BTF3: variants seen among roughly 807,000 people sequenced by gnomAD.
BTF3 encodes basic transcription factor 3.
A neutral mutation model predicts 23.9 loss-of-function variants in BTF3; 12 were observed. The ratio of observed to expected loss-of-function variants is 0.50; its 90% CI spans 0.32 to 0.81. The LOEUF is 0.81. BTF3 is among the 40% of genes least tolerant of loss of function. The pLI is 0.03. For missense variants in BTF3, 215 were observed against 255.9 expected (o/e 0.84, Z 1.09); for synonymous variants, 96 against 94.8 (o/e 1.01, Z -0.07).
intron 5 of BTF3, 41 bp downstream of exon 5, chr5:73,504,444 A>T: frequency 6.5e-7 from 1 of 1,529,404 alleles, no homozygotes; most frequent in Non-Finnish European, 8.9e-7. Flanking sequence ...GAATCTTAGC[A>T]AGGGAGAATA....
rs1746474258 is a variant in BTF3, at chr5:73,502,984, A to C, written c.384A>C (p.Ala128=). 6.2e-7 allele frequency: 1 copy of C among 1,613,506 alleles called. No individual in the cohort carries two copies. Among genetic ancestry groups the C allele is most frequent in the Admixed American group, 1.7e-5 (1 of 60,006 alleles). Residue 128 remains alanine, a synonymous_variant, in exon 4 of 6, where the codon GCA becomes GCC. Coordinates refer to ENST00000380591, the MANE Select transcript of BTF3 (RefSeq NM_001037637.2). The stretch of plus-strand genomic sequence containing the variant: ...ACCCTAAAGTTCAGGCATCTCTGGC[A>C]GCGAACACTTTCACCATTACAGGCC... The part of the protein sequence containing the change: ...FNNPKVQASL[A]ANTFTITGHA...
intron 5 of BTF3, 38 bp downstream of exon 5, chr5:73,504,441 A>C (rs908376875): frequency 6.5e-7 from 1 of 1,542,916 alleles, no homozygotes; most frequent in Non-Finnish European, 8.8e-7. Context: ...AGAGAATCTT[A>C]GCAAGGGAGA....
At chr5:73,498,877 G>A (rs532461640) in intron 1 of BTF3, 78 bp downstream of exon 1, 12 of 1,484,818 alleles carry the variant, frequency 8.1e-6, no homozygotes, top group Non-Finnish European at 1.1e-5. Context: ...CCAGGGGTGG[G>A]GGGTGCTGGC....
intron 4 of BTF3, among the ~76,000 whole-genome samples, chr5:73,503,345 G>A (rs1352764317): frequency 1.3e-5 from 2 of 152,070 alleles, no homozygotes; most frequent in Admixed American, 1.3e-4. Flanking sequence ...CTACTTACTT[G>A]ATTTGGATCA....
rs1264323056 is a variant in BTF3 at position 73,505,177 on chromosome 5, T to C, written c.575-15T>C. On this transcript the variant is annotated splice_polypyrimidine_tract_variant and intron_variant, in intron 5 of 5. Coordinates refer to ENST00000380591, the MANE Select transcript of BTF3 (RefSeq NM_001037637.2). ...TTGGCTTTTTTAAGAATTTCTACTC[T>C]TTTCCTTTTCCTAGATCTTGTGGAG... 4 of 1,606,652 alleles carry C rather than the reference T, an allele frequency of 2.5e-6. No homozygotes were observed.
rs1746371145 is a variant in BTF3, at chr5:73,499,114, A to C, written c.133-20A>C. The C allele has an allele frequency of 6.2e-7, 1 of 1,603,330 alleles. No homozygotes were observed. The highest frequency in any genetic ancestry group is 1.4e-5 in the African/African-American group (1 of 73,674). ...GAGTGAGCTAAACCTATCCTTGCTG[A>C]GGATTTCCTCTTTTTCTAGATGAAA... On this transcript the variant is annotated intron_variant, in intron 1 of 5. Coordinates refer to ENST00000380591, the MANE Select transcript of BTF3 (RefSeq NM_001037637.2).
rs561590492 is a variant in BTF3 at position 73,502,860 on chromosome 5, T to G, written c.316-56T>G. ...AGCCAGACTTAGTTTAATAAAACAT[T>G]TGTTTTTAAAGAGACTGGTCAGCAT... is the stretch of plus-strand genomic sequence containing the variant. On this transcript the variant is annotated intron_variant, in intron 3 of 5. Transcript: ENST00000380591. The G allele has an allele frequency of 9.1e-6, 14 of 1,544,558 alleles. No individual in the cohort carries two copies. The East Asian group carries it at 3.1e-4, about 35-fold the overall frequency.
intron 1 of BTF3, 140 bp from the exon 2 acceptor site, chr5:73,498,994 A>C: frequency 8.0e-7 from 1 of 1,246,994 alleles, no homozygotes; most frequent in Non-Finnish European, 1.1e-6. Context: ...CCAAATTTGG[A>C]GCTTTGCGGG....
chr5:73,501,996 C>T (rs1418117335), intron 2 of BTF3, among the ~76,000 whole-genome samples: 3 of 152,070 alleles, frequency 2.0e-5, no homozygotes, highest in African/African-American at 4.8e-5. Context: ...GGTGAAACCC[C>T]ATCTCTGCTA....
At chr5:73,503,262 C>T in intron 4 of BTF3, 145 bp downstream of exon 4, 1 of 833,384 alleles carries the variant, frequency 1.2e-6, no homozygotes, top group Non-Finnish European at 1.9e-6. Flanking sequence ...TTTTAAGCAA[C>T]TGTCCTTGCT....
At chr5:73,498,869 A>G (rs1580356741) in intron 1 of BTF3, 70 bp downstream of exon 1, 1 of 1,351,430 alleles carries the variant, frequency 7.4e-7, no homozygotes, top group East Asian at 3.7e-5. Flanking sequence ...GGCCAGGGCC[A>G]GGGGTGGGGG....
intron 2 of BTF3, among the ~76,000 whole-genome samples, chr5:73,502,252 T>C (rs1304644173): frequency 1.3e-5 from 2 of 152,150 alleles, no homozygotes; most frequent in Non-Finnish European, 2.9e-5. Flanking sequence ...GCTACCTCTT[T>C]GATCACTTTT....
chr5:73,502,808 C>T lies in BTF3; in HGVS notation c.316-108C>T. 4 of 1,171,520 alleles carry T rather than the reference C, an allele frequency of 3.4e-6. No individual in the cohort carries two copies. In the South Asian group the frequency reaches 5.8e-5, roughly 17 times the overall value. 72.6% of individuals were successfully genotyped at this position (1,171,520 alleles called of 1,614,324 possible). A position where few individuals can be genotyped will look rare whatever the true frequency, so the allele number is the denominator to read the frequency against. ...ATATTCCATTCCAGGCAAAATTTCA[C>T]CTGTGCTTCACAGTGAAATACTAGT... is the stretch of plus-strand genomic sequence containing the variant. On this transcript the variant is annotated intron_variant, in intron 3 of 5. Transcript: ENST00000380591.
Position 73,498,648 on chromosome 5 carries a change from C to A in BTF3, c.-20C>A. 2 of 1,499,676 alleles carry A rather than the reference C, an allele frequency of 1.3e-6. No homozygotes were observed. The highest frequency in any genetic ancestry group is 2.6e-5 in the East Asian group (1 of 39,046). The allele number at this position is 1,499,676 out of a possible 1,614,324, so 92.9% of individuals were successfully genotyped here. ...AGGAGCGAGACAGGGAGGGACAGGG[C>A]AGAGGAGGAGAGGAAGGCGATGCGA... On this transcript the variant is annotated 5_prime_UTR_variant, in exon 1 of 6. Coordinates refer to ENST00000380591, the MANE Select transcript of BTF3 (RefSeq NM_001037637.2).
intron 2 of BTF3, among the ~76,000 whole-genome samples, chr5:73,501,861 T>C (rs947389429): frequency 1.3e-5 from 2 of 152,184 alleles, no homozygotes; most frequent in Non-Finnish European, 2.9e-5. Context: ...ATGTTGATTT[T>C]TATTTAATAT....
Position 73,505,159 on chromosome 5 carries a change from T to A in BTF3, c.575-33T>A, listed in dbSNP as rs1444312354. ...TGATAATTATTTGTAGATTTGGCTT[T>A]TTTAAGAATTTCTACTCTTTTCCTT... On this transcript the variant is annotated intron_variant, in intron 5 of 5. Transcript: ENST00000380591. 1.9e-6 allele frequency: 3 copies of A among 1,593,290 alleles called. 1 individual carries two copies. In the Admixed American group the frequency reaches 5.2e-5, roughly 28 times the overall value.
chr5:73,502,642 C>G (rs1225164155), intron 3 of BTF3, 41 bp downstream of exon 3: 9 of 1,468,772 alleles, frequency 6.1e-6, no homozygotes, highest in East Asian at 2.3e-5. Context: ...CAAGATTTGG[C>G]TGGGAAAAGT....
Position 73,504,968 on chromosome 5 carries a change from T to C in BTF3, c.575-224T>C, listed in dbSNP as rs182313178. ...GGAAAATTTTAACATTGTGTGTCAT[T>C]GTATTCTTTGGTTCTGCTCCCCCAC... On this transcript the variant is annotated intron_variant, in intron 5 of 5. Transcript: ENST00000380591. The C allele has an allele frequency of 6.7e-6, 3 of 450,250 alleles. No homozygotes were observed. In the South Asian group the frequency reaches 9.6e-5, roughly 14 times the overall value. The allele number at this position is 450,250 out of a possible 1,614,324, so 27.9% of individuals were successfully genotyped here.
At position 73,504,387 on chromosome 5, in the gene BTF3, T is replaced by A. The variant is rs1383736852; in HGVS notation, c.558T>A (p.Asp186Glu). The A allele has an allele frequency of 3.1e-6, 5 of 1,600,868 alleles. No homozygotes were observed. The highest frequency in any genetic ancestry group is 4.3e-6 in the Non-Finnish European group (5 of 1,174,068). The change falls in exon 5 of 6, where the codon GAT becomes GAA. Residue 186 changes from aspartate (D) to glutamate (E), a missense_variant. This residue lies in a region of BTF3 where 99 missense variants were observed against 171.2 expected (regional missense o/e 0.58). Coordinates refer to ENST00000380591, the MANE Select transcript of BTF3 (RefSeq NM_001037637.2). ...CACCACTTGCTACTGGAGAGGATGA[T>A]GATGATGAAGTTCCAGGTAGGAACG... Reference protein sequence around the residue: ...GKAPLATGEDDDDEVPDLVEN... With the variant: ...GKAPLATGEDEDDEVPDLVEN...
Sources: allele counts gnomAD v4.1 joint callset (sites outside exome capture counted in the v4.1 genomes callset), GRCh38; gene constraint gnomAD v4.1.1; regional missense constraint gnomAD v4.1.1; transcripts MANE v1.5; gene names NCBI Gene and HGNC (gene_info 2026-07-23, HGNC 2026-07-21).